NCOA3: variants seen among roughly 807,000 people sequenced by gnomAD.
NCOA3 encodes the protein CBP-interacting protein.
A neutral mutation model predicts 158.8 loss-of-function variants in NCOA3; 51 were observed. The observed-to-expected ratio is 0.32, with a 90% CI of 0.26 to 0.41. The LOEUF (loss-of-function observed/expected upper bound fraction) is 0.41. NCOA3 is among the 10% of genes least tolerant of loss of function. The pLI is 1.00. For missense variants in NCOA3, 1,510 were observed against 1,746.6 expected, an observed-to-expected ratio of 0.86 and a Z score of 2.41; for synonymous variants, 537 against 592.4, an observed-to-expected ratio of 0.91 and a Z score of 1.36.
intron 2 of NCOA3, among the ~76,000 whole-genome samples, chr20:47,602,356 G>A (rs1321374665): frequency 1.3e-5 from 2 of 152,160 alleles, no homozygotes; most frequent in East Asian, 3.8e-4. Flanking sequence ...ACTGGAGGGT[G>A]ACATAAATAG....
chr20:47,504,673 G>A (rs1353882539), intron 1 of NCOA3, among the ~76,000 whole-genome samples: 1 of 151,444 alleles, frequency 6.6e-6, no homozygotes, highest in Non-Finnish European at 1.5e-5. Context: ...GCGTGGTGGC[G>A]AGCACCTGTA....
chr20:47,588,131 CTTTTTTTTTTT>C lies in NCOA3; in HGVS notation c.-20+4887_-20+4897del, dbSNP rs33989951. 7.9e-3 allele frequency among the ~76,000 whole-genome samples: 618 copies of C among 78,568 alleles called. 7 individuals carry two copies. The highest frequency in any genetic ancestry group is 0.027 in the African/African-American group (566 of 20,872). The allele number at this position is 78,568 out of a possible 152,430, so 51.5% of individuals were successfully genotyped here. ...CCCTCCATACCCTTTCTCCACCCCACTTTTTTTTTTTTTTTTTTTTTTTTTTTGAGGCAGTC... is the reference window on the plus strand; with the variant it reads ...CCCTCCATACCCTTTCTCCACCCCACTTTTTTTTTTTTTTTTGAGGCAGTC... On this transcript the variant is annotated intron_variant, in intron 2 of 22. Transcript: ENST00000371998.
At chr20:47,516,219 C>T (rs2084231557) in intron 1 of NCOA3, among the ~76,000 whole-genome samples, 1 of 151,992 alleles carries the variant, frequency 6.6e-6, no homozygotes, top group African/African-American at 2.4e-5. Flanking sequence ...AGTGTAGGTA[C>T]AAATGTATCA....
At chr20:47,599,565 A>G (rs956500752) in intron 2 of NCOA3, among the ~76,000 whole-genome samples, 1 of 152,230 alleles carries the variant, frequency 6.6e-6, no homozygotes, top group Non-Finnish European at 1.5e-5. Context: ...CTGTTAAAGA[A>G]TCTAGCTGAT....
rs1194473369 is a variant in NCOA3, at chr20:47,633,587, T to C, written c.915T>C (p.Phe305=). Residue 305 remains phenylalanine (F), a synonymous_variant, in exon 9 of 23, where the codon TTT becomes TTC. Transcript: ENST00000371998. ...DIIRRCIQRF[F]SLNDGQSWSQ... ...TCCGAAGGTGTATTCAGAGATTTTT[T>C]AGTCTAAATGATGGGCAGTCATGGT... 1.2e-6 allele frequency: 2 copies of C among 1,614,164 alleles called. No individual in the cohort carries two copies. Among genetic ancestry groups the C allele is most frequent in the Non-Finnish European group, 8.5e-7 (1 of 1,179,994 alleles).
chr20:47,638,869 AC>A lies in NCOA3; in HGVS notation c.2513-138del, dbSNP rs1273671127. 42 of 696,456 alleles carry A rather than the reference AC, an allele frequency of 6.0e-5. No homozygotes were observed. The African/African-American group carries it at 7.6e-4, about 13-fold the overall frequency. 43.1% of individuals were successfully genotyped at this position (696,456 alleles called of 1,614,324 possible). A position where few individuals can be genotyped will look rare whatever the true frequency, so the allele number is the denominator to read the frequency against. ...GTGGTGGGTGAGGGCCACTTCCCTC[AC>A]TTATTTTGTAAAGGAAGACAGTGTT... On this transcript the variant is annotated intron_variant, in intron 13 of 22. Transcript: ENST00000371998.
intron 1 of NCOA3, among the ~76,000 whole-genome samples, chr20:47,570,839 ATGT>A (rs1270425114): frequency 6.6e-6 from 1 of 151,482 alleles, no homozygotes; most frequent in African/African-American, 2.4e-5. Context: ...TGCAGAACAG[ATGT>A]TGTGTTAATG....
Position 47,509,805 on chromosome 20 carries a change from T to C in NCOA3, c.-99+7786T>C, listed in dbSNP as rs72661180. 3.8e-3 allele frequency among the ~76,000 whole-genome samples: 572 copies of C among 152,350 alleles called. 4 individuals are homozygous for C. The Middle Eastern group carries it at 0.044, about 12-fold the overall frequency. On this transcript the variant is annotated intron_variant, in intron 1 of 22. Transcript: ENST00000371998. ...TATAAGAGTTACTCAGTACTGTTTA[T>C]CAAATTGTCCCTTTAGTCTACTACA... is the stretch of plus-strand genomic sequence containing the variant.
intron 1 of NCOA3, among the ~76,000 whole-genome samples, chr20:47,546,548 T>G (rs11905139): frequency 0.039 from 5,689 of 145,664 alleles, 216 homozygotes; most frequent in African/African-American, 0.14. Context: ...TTTTTTTTTT[T>G]AAGACCGAAT....
chr20:47,635,782 T>A, intron 11 of NCOA3, 69 bp downstream of exon 11: 1 of 1,498,856 alleles, frequency 6.7e-7, no homozygotes, highest in Non-Finnish European at 8.9e-7. Flanking sequence ...ACTACTATAA[T>A]TCTTGTAAAG....
chr20:47,515,371 C>G (rs965273535), intron 1 of NCOA3, among the ~76,000 whole-genome samples: 1 of 151,130 alleles, frequency 6.6e-6, no homozygotes, highest in Non-Finnish European at 1.5e-5. Context: ...CTGTCTTAGT[C>G]TTGAACTCCT....
intron 2 of NCOA3, among the ~76,000 whole-genome samples, chr20:47,608,665 A>G (rs2085992421): frequency 6.6e-6 from 1 of 151,258 alleles, no homozygotes; most frequent in Non-Finnish European, 1.5e-5. Flanking sequence ...AAAAAAGGTG[A>G]ATGTTTCTTA....
In NCOA3 at chr20:47,646,421, T is replaced by G. The variant is rs140906923; in HGVS notation, c.3253-652T>G. ...GTAGGTTGGAGGAGAACAAGCCTGCTTGGGGGGAAGGGCTGTTGGGAATCA... is the reference window on the plus strand; with the variant it reads ...GTAGGTTGGAGGAGAACAAGCCTGCGTGGGGGGAAGGGCTGTTGGGAATCA... On this transcript the variant is annotated intron_variant, in intron 17 of 22. Transcript: ENST00000371998. Among the ~76,000 whole-genome samples the G allele has an allele frequency of 2.0e-5, 3 of 152,220 alleles. No homozygotes were observed. In the East Asian group the frequency reaches 5.8e-4, roughly 29 times the overall value.
intron 1 of NCOA3, among the ~76,000 whole-genome samples, chr20:47,579,172 T>C (rs1408933030): frequency 6.6e-6 from 1 of 152,226 alleles, no homozygotes; most frequent in Non-Finnish European, 1.5e-5. Flanking sequence ...ACAGGGGCCA[T>C]GTTGTCCAAG....
chr20:47,588,154 T>A (rs2085566960), intron 2 of NCOA3, among the ~76,000 whole-genome samples: 1 of 128,912 alleles, frequency 7.8e-6, no homozygotes, highest in African/African-American at 3.3e-5. Flanking sequence ...TTTTTTTTTT[T>A]TTTTGAGGCA....
At chr20:47,558,931 G>A (rs1484388867) in intron 1 of NCOA3, among the ~76,000 whole-genome samples, 2 of 149,188 alleles carry the variant, frequency 1.3e-5, no homozygotes, top group African/African-American at 4.9e-5. Flanking sequence ...GTTTTCTCCA[G>A]CAGGAATTTA....
rs572301693 is a variant in NCOA3 at position 47,580,566 on chromosome 20, A to T, written c.-98-2617A>T. ...GAGTGAAACTCCATCCCCCACCCCC[A>T]TCCCCCCAAAAAATCCTTTCCTTAT... On this transcript the variant is annotated intron_variant, in intron 1 of 22. Transcript: ENST00000371998. 8.8e-5 allele frequency among the ~76,000 whole-genome samples: 10 copies of T among 113,858 alleles called. 1 individual carries two copies. The East Asian group carries it at 1.9e-3, about 22-fold the overall frequency. 74.7% of individuals were successfully genotyped at this position (113,858 alleles called of 152,430 possible).
At chr20:47,515,484 T>C (rs1427163034) in intron 1 of NCOA3, among the ~76,000 whole-genome samples, 3 of 149,158 alleles carry the variant, frequency 2.0e-5, no homozygotes, top group South Asian at 2.1e-4. Flanking sequence ...TTTTTTTTTT[T>C]TTTTTTCTTT....
In NCOA3 at chr20:47,656,225, T is replaced by TA. The variant is rs1243351588; in HGVS notation, c.*2814dup. The TA allele has an allele frequency of 1.3e-5, 2 of 151,882 alleles. No individual in the cohort carries two copies. Among genetic ancestry groups the TA allele is most frequent in the Admixed American group, 1.3e-4 (2 of 15,250 alleles). The allele number at this position is 151,882 out of a possible 1,614,324, so 9.4% of individuals were successfully genotyped here. On this transcript the variant is annotated 3_prime_UTR_variant, in exon 23 of 23. Transcript: ENST00000371998. ...TAAAGGAGATACATGTTTCTTCCTT[T>TA]AAAAAATAAACGGAAGTTACATTGT... is the stretch of plus-strand genomic sequence containing the variant.
Sources: gnomAD v4.1 joint callset for allele counts (sites outside exome capture counted in the v4.1 genomes callset) on GRCh38, gnomAD v4.1.1 for gene constraint, MANE v1.5 for transcripts, NCBI Gene and HGNC (gene_info 2026-07-23, HGNC 2026-07-21) for gene names.